The following ZFP41 variants were observed in gnomAD, a reference collection of about 807,000 sequenced individuals.
ZFP41 encodes ZFP41 zinc finger protein, also known as zinc finger protein 41 homolog.
Under a neutral mutation model 11.6 loss-of-function variants are expected in ZFP41, and 10 were observed. The ratio of observed to expected loss-of-function variants is 0.86; its 90% CI spans 0.53 to 1.47. The LOEUF is 1.47. ZFP41 is among the 40% of genes most tolerant of loss of function. The probability of loss-of-function intolerance (pLI) is 0.00; values close to 1 mark genes in which losing one functional copy is unlikely to be tolerated. For missense variants in ZFP41, 302 were observed against 264.6 expected, an observed-to-expected ratio of 1.14 and a Z score of -0.98; for synonymous variants, 123 against 100.9, an observed-to-expected ratio of 1.22 and a Z score of -1.31.
intron 2 of ZFP41, among the ~76,000 whole-genome samples, chr8:143,256,937 G>A (rs1814928554): frequency 2.0e-5 from 3 of 152,332 alleles, no homozygotes; most frequent in African/African-American, 4.8e-5. Context: ...AGCTGAAGCC[G>A]GAGGCCGTCT....
chr8:143,249,445 C>T lies in ZFP41; in HGVS notation c.-154-245C>T, dbSNP rs530886111. 210 of 173,778 alleles carry T rather than the reference C, an allele frequency of 1.2e-3. 1 individual carries two copies. The highest frequency in any genetic ancestry group is 1.9e-3 in the Non-Finnish European group (154 of 79,974). 10.8% of individuals were successfully genotyped at this position (173,778 alleles called of 1,614,324 possible). A position where few individuals can be genotyped will look rare whatever the true frequency, so the allele number is the denominator to read the frequency against. On this transcript the variant is annotated intron_variant, in intron 1 of 2. Transcript: ENST00000330701. ...AGGGCAGTTGGTGGGTACATCAGATCCTGTGGACATGGTGTGCAGACCCGG... is the reference window on the plus strand; with the variant it reads ...AGGGCAGTTGGTGGGTACATCAGATTCTGTGGACATGGTGTGCAGACCCGG...
intron 2 of ZFP41, among the ~76,000 whole-genome samples, chr8:143,258,950 T>C (rs144456340): frequency 0.011 from 1,637 of 152,304 alleles, 33 homozygotes; most frequent in African/African-American, 0.037. Flanking sequence ...GAGAGCAGCC[T>C]GGCGTTTTCT....
In ZFP41 at chr8:143,259,787, G is replaced by T. The variant is rs557768609; in HGVS notation, c.*913G>T. 42 of 152,414 alleles carry T rather than the reference G, an allele frequency of 2.8e-4. No individual in the cohort carries two copies. The highest frequency in any genetic ancestry group is 9.9e-4 in the African/African-American group (41 of 41,582). The allele number at this position is 152,414 out of a possible 1,614,324, so 9.4% of individuals were successfully genotyped here. On this transcript the variant is annotated 3_prime_UTR_variant, in exon 3 of 3. Transcript: ENST00000330701. ...TCATCCTTTTCAGGCTGGTAGAGCA[G>T]ATCACCCCCAAAGCAAGAAGTTCCA...
intron 2 of ZFP41, among the ~76,000 whole-genome samples, chr8:143,257,074 G>A (rs1024813687): frequency 6.6e-6 from 1 of 152,274 alleles, no homozygotes; most frequent in African/African-American, 2.4e-5. Flanking sequence ...CAGAGCACCT[G>A]ATGGCAGTGG....
chr8:143,261,560 C>G lies in ZFP41; in HGVS notation c.*2686C>G, dbSNP rs542622911. 6.5e-6 allele frequency: 1 copy of G among 153,428 alleles called. No homozygotes were observed. 9.5% of individuals were successfully genotyped at this position (153,428 alleles called of 1,614,324 possible). The stretch of plus-strand genomic sequence containing the variant: ...CTGGCTTCCTCCGCAAACCTAGCCA[C>G]GTGGTCAGGGAGCCCGGGCCTAGCA... On this transcript the variant is annotated 3_prime_UTR_variant, in exon 3 of 3. Transcript: ENST00000330701.
At position 143,250,004 on chromosome 8, in the gene ZFP41, C is replaced by T; in HGVS notation, c.161C>T (p.Pro54Leu). Residue 54 changes from proline to leucine, a missense_variant, in exon 2 of 3, where the codon CCT becomes CTT. By Grantham distance (98) the Pro-to-Leu change is moderately conservative. Coordinates refer to ENST00000330701, the MANE Select transcript of ZFP41 (RefSeq NM_173832.6). ...CCCCGCACAGAGCCCTGCCTGAGTC[C>T]TGAAGACGAAGAGCACGTCTTTGAT... ...RKPRTEPCLS[P>L]EDEEHVFDAF... 4.3e-6 allele frequency: 7 copies of T among 1,614,172 alleles called. No homozygotes were observed. Among genetic ancestry groups the T allele is most frequent in the Non-Finnish European group, 5.9e-6 (7 of 1,180,040 alleles).
In ZFP41 at chr8:143,250,124, G is replaced by A. The variant is rs555329332; in HGVS notation, c.281G>A (p.Arg94Gln). 40 of 1,614,140 alleles carry A rather than the reference G, an allele frequency of 2.5e-5. No individual in the cohort carries two copies. The highest frequency in any genetic ancestry group is 1.9e-4 in the South Asian group (17 of 91,086). ...KKPYECSECG[R>Q]IFKHKTDHIR... ...CCCTATGAGTGCAGTGAGTGTGGGCGGATCTTTAAGCACAAGACAGACCAC... is the reference window on the plus strand; with the variant it reads ...CCCTATGAGTGCAGTGAGTGTGGGCAGATCTTTAAGCACAAGACAGACCAC... Residue 94 changes from arginine (R) to glutamine (Q), a missense_variant, in exon 2 of 3, where the codon CGG (arginine) becomes CAG (glutamine). Physicochemically the swap from Arg to Gln is conservative, Grantham distance 43. Transcript: ENST00000330701.
rs1815009418 is a variant in ZFP41 at position 143,260,243 on chromosome 8, A to C, written c.*1369A>C. 1 of 153,442 alleles carries C rather than the reference A, an allele frequency of 6.5e-6. No individual in the cohort carries two copies. The highest frequency in any genetic ancestry group is 1.5e-5 in the Non-Finnish European group (1 of 68,780). 9.5% of individuals were successfully genotyped at this position (153,442 alleles called of 1,614,324 possible). A position where few individuals can be genotyped will look rare whatever the true frequency, so the allele number is the denominator to read the frequency against. ...CAGGGAAGCACCCTCTGAAATGCCT[A>C]GAAATAGCTGCCGGGCTTTCACTTG... On this transcript the variant is annotated 3_prime_UTR_variant, in exon 3 of 3. Transcript: ENST00000330701.
rs988679242 is a variant in ZFP41 at position 143,250,493 on chromosome 8, T to C, written c.*53T>C. Reference sequence around the variant, plus strand: ...TGCGGTGCGAGCCTCGCCGGACACCTGCTCCGTGGCTCCCTCGTGTCCCGC... The same window carrying C: ...TGCGGTGCGAGCCTCGCCGGACACCCGCTCCGTGGCTCCCTCGTGTCCCGC... On this transcript the variant is annotated 3_prime_UTR_variant, in exon 2 of 3. Transcript: ENST00000330701. 5.1e-6 allele frequency: 8 copies of C among 1,571,348 alleles called. No homozygotes were observed. In the Admixed American group the frequency reaches 7.1e-5, roughly 14 times the overall value.
At chr8:143,259,432 AT>A (rs1290244220) in intron 2 of ZFP41, among the ~76,000 whole-genome samples, 1 of 152,126 alleles carries the variant, frequency 6.6e-6, no homozygotes, top group Admixed American at 6.5e-5. Flanking sequence ...GTGAGTGAGC[AT>A]TTGCTCTAGC....
intron 2 of ZFP41, among the ~76,000 whole-genome samples, chr8:143,255,769 G>C (rs560783726): frequency 9.1e-6 from 1 of 109,954 alleles, no homozygotes; most frequent in Non-Finnish European, 1.8e-5. Context: ...CTCTCCCCGC[G>C]TGCTAGAGTT....
chr8:143,259,208 C>G (rs986608162), intron 2 of ZFP41, among the ~76,000 whole-genome samples: 1 of 152,238 alleles, frequency 6.6e-6, no homozygotes, highest in Non-Finnish European at 1.5e-5. Context: ...GTGACAGACA[C>G]ACACTGAGCA....
chr8:143,255,457 C>T (rs940600911), intron 2 of ZFP41, among the ~76,000 whole-genome samples: 2 of 150,388 alleles, frequency 1.3e-5, no homozygotes, highest in Non-Finnish European at 3.0e-5. Context: ...GATCAGGGCT[C>T]ACCCCGCGTC....
chr8:143,254,111 A>C (rs972427495), intron 2 of ZFP41, among the ~76,000 whole-genome samples: 3 of 152,126 alleles, frequency 2.0e-5, no homozygotes, highest in Non-Finnish European at 2.9e-5. Flanking sequence ...CACTTCTAAC[A>C]GGCCATGGAC....
chr8:143,247,855 C>T, intron 1 of ZFP41: 1 of 152,148 alleles, frequency 6.6e-6, no homozygotes, highest in Non-Finnish European at 1.5e-5. Context: ...GAGTCTTGTT[C>T]TGTCGCCAGG....
At chr8:143,259,336 C>T (rs1586718517) in intron 2 of ZFP41, among the ~76,000 whole-genome samples, 1 of 152,210 alleles carries the variant, frequency 6.6e-6, no homozygotes, top group South Asian at 2.1e-4. Flanking sequence ...CAGAGAAAGG[C>T]AAAGGCATGG....
rs1816706463 is a variant in ZFP41 at position 143,247,084 on chromosome 8, GC to G, written c.-210del. 6.6e-6 allele frequency: 1 copy of G among 152,396 alleles called. No homozygotes were observed. Among genetic ancestry groups the G allele is most frequent in the Non-Finnish European group, 1.5e-5 (1 of 68,196 alleles). 9.4% of individuals were successfully genotyped at this position (152,396 alleles called of 1,614,324 possible). ...CCCGCCCTCCAGCAGTCCTGGTAGGGCCCGGGCGCGTCCGCGCTCTGCAGCG... is the reference window on the plus strand; with the variant it reads ...CCCGCCCTCCAGCAGTCCTGGTAGGGCCGGGCGCGTCCGCGCTCTGCAGCG... On this transcript the variant is annotated 5_prime_UTR_variant, in exon 1 of 3. Transcript: ENST00000330701.
intron 2 of ZFP41, 134 bp downstream of exon 2, chr8:143,251,474 A>C (rs1586710950): frequency 6.6e-6 from 1 of 152,326 alleles, no homozygotes; most frequent in Non-Finnish European, 1.5e-5. Context: ...TGTGGTTTAT[A>C]AGAGGGTAGC....
chr8:143,257,958 C>G (rs1188066485), intron 2 of ZFP41, among the ~76,000 whole-genome samples: 1 of 152,208 alleles, frequency 6.6e-6, no homozygotes, highest in East Asian at 1.9e-4. Context: ...GTGTTATTTT[C>G]TGAAGTGAGT....
Sources: gnomAD v4.1 joint callset for allele counts (sites outside exome capture counted in the v4.1 genomes callset) on GRCh38, gnomAD v4.1.1 for gene constraint, MANE v1.5 for transcripts, NCBI Gene and HGNC (gene_info 2026-07-23, HGNC 2026-07-21) for gene names.